Variants in RAB7A observed in about 807,000 individuals in gnomAD.
RAB7A encodes RAB7A, member RAS oncogene family, also known as ras-related protein Rab-7a.
A neutral mutation model predicts 24.5 loss-of-function variants in RAB7A; 2 were observed. The observed-to-expected ratio is 0.08, with a 90% CI of 0.03 to 0.26. RAB7A has a LOEUF of 0.26. RAB7A is among the 10% of genes least tolerant of loss of function. RAB7A has a pLI of 1.00. For missense variants in RAB7A, 118 were observed against 255.7 expected (o/e 0.46, Z 3.67); for synonymous variants, 100 against 95.9 (o/e 1.04, Z -0.25).
At chr3:128,739,570 A>G (rs1447592278) in intron 1 of RAB7A, among the ~76,000 whole-genome samples, 1 of 152,002 alleles carries the variant, frequency 6.6e-6, no homozygotes, top group Non-Finnish European at 1.5e-5. Context: ...GGATAATTTG[A>G]TGGCTATAAT....
At position 128,745,169 on chromosome 3, in the gene RAB7A, C is replaced by T. The variant is rs1334369902; in HGVS notation, c.-9+18810C>T. Among the ~76,000 whole-genome samples the T allele has an allele frequency of 1.1e-4, 16 of 151,972 alleles. 1 individual carries two copies. Among genetic ancestry groups the T allele is most frequent in the Admixed American group, 7.9e-4 (12 of 15,254 alleles). On this transcript the variant is annotated intron_variant, in intron 1 of 5. Coordinates refer to ENST00000265062, the MANE Select transcript of RAB7A (RefSeq NM_004637.6). ...GATTATAGGCGTGAGCTGCCGCGCC[C>T]GGCTGAAGTCACTTTTTCATTAAAT...
At chr3:128,803,468 G>T (rs1222312974) in intron 3 of RAB7A, among the ~76,000 whole-genome samples, 1 of 152,108 alleles carries the variant, frequency 6.6e-6, no homozygotes, top group Non-Finnish European at 1.5e-5. Context: ...GTGTAGTAAT[G>T]AGTACAACCT....
At chr3:128,728,319 T>C (rs1484771696) in intron 1 of RAB7A, among the ~76,000 whole-genome samples, 1 of 152,234 alleles carries the variant, frequency 6.6e-6, no homozygotes, top group East Asian at 1.9e-4. Flanking sequence ...TTTAAGGCTT[T>C]GTTAATTTTA....
At chr3:128,759,152 T>C (rs2070756549) in intron 1 of RAB7A, among the ~76,000 whole-genome samples, 1 of 152,240 alleles carries the variant, frequency 6.6e-6, no homozygotes, top group African/African-American at 2.4e-5. Flanking sequence ...GGTTTCATAG[T>C]TACATTGAGA....
chr3:128,732,289 T>C lies in RAB7A; in HGVS notation c.-9+5930T>C, dbSNP rs180858105. 7.6e-4 allele frequency among the ~76,000 whole-genome samples: 116 copies of C among 151,974 alleles called. 3 individuals are homozygous for C. The East Asian group carries it at 0.023, about 30-fold the overall frequency. ...CCTTGACCCTGTGATCCGCCCGCCTTGGCCTCCCAAGGTGCTGGGATTACA... is the reference window on the plus strand; with the variant it reads ...CCTTGACCCTGTGATCCGCCCGCCTCGGCCTCCCAAGGTGCTGGGATTACA... On this transcript the variant is annotated intron_variant, in intron 1 of 5. Coordinates refer to ENST00000265062, the MANE Select transcript of RAB7A (RefSeq NM_004637.6).
intron 1 of RAB7A, among the ~76,000 whole-genome samples, chr3:128,788,061 G>C (rs1294650184): frequency 6.6e-6 from 1 of 152,228 alleles, no homozygotes; most frequent in African/African-American, 2.4e-5. Context: ...TGAAGCTTGT[G>C]CTATCCCACC....
intron 1 of RAB7A, among the ~76,000 whole-genome samples, chr3:128,731,721 C>T (rs951539477): frequency 6.6e-5 from 10 of 152,102 alleles, no homozygotes; most frequent in Admixed American, 2.6e-4. Flanking sequence ...AAAAGTGTAT[C>T]TTTCGGCCGG....
Position 128,813,599 on chromosome 3 carries a change from ACACG to A in RAB7A, c.*181_*184del, listed in dbSNP as rs1451556971. 8.5e-6 allele frequency: 5 copies of A among 585,554 alleles called. No individual in the cohort carries two copies. Among genetic ancestry groups the A allele is most frequent in the Non-Finnish European group, 1.6e-5 (5 of 309,372 alleles). 36.3% of individuals were successfully genotyped at this position (585,554 alleles called of 1,614,324 possible). On this transcript the variant is annotated 3_prime_UTR_variant, in exon 6 of 6. Transcript: ENST00000265062. ...CCACATATCTCTCACACACACACACACACGCACACACACACACACAGATCTGACG... is the reference window on the plus strand; with the variant it reads ...CCACATATCTCTCACACACACACACACACACACACACACACAGATCTGACG...
chr3:128,735,043 T>C (rs954904787), intron 1 of RAB7A, among the ~76,000 whole-genome samples: 1 of 152,242 alleles, frequency 6.6e-6, no homozygotes, highest in African/African-American at 2.4e-5. Context: ...GTTTCCTGAA[T>C]GATGAACTAT....
intron 1 of RAB7A, among the ~76,000 whole-genome samples, chr3:128,778,862 A>G (rs748531095): frequency 4.6e-5 from 7 of 152,222 alleles, no homozygotes; most frequent in Non-Finnish European, 7.3e-5. Context: ...GGGTGTCTCA[A>G]ATAATAAGGG....
chr3:128,726,721 G>A (rs77097303), intron 1 of RAB7A, among the ~76,000 whole-genome samples: 1 of 152,202 alleles, frequency 6.6e-6, no homozygotes, highest in Non-Finnish European at 1.5e-5. Flanking sequence ...GCGAGCAGGA[G>A]GGTGTCAGAG....
intron 5 of RAB7A, 88 bp from the exon 6 acceptor site, chr3:128,813,239 A>G: frequency 8.1e-7 from 1 of 1,230,712 alleles, no homozygotes; most frequent in African/African-American, 1.5e-5. Flanking sequence ...AGCAGAAGTG[A>G]GCCCCTCCTG....
intron 1 of RAB7A, among the ~76,000 whole-genome samples, chr3:128,785,759 A>C (rs1933324436): frequency 6.6e-6 from 1 of 152,032 alleles, no homozygotes; most frequent in African/African-American, 2.4e-5. Flanking sequence ...AAAAAAAAAA[A>C]AAAAAAATTC....
At chr3:128,760,740 C>T (rs2070770365) in intron 1 of RAB7A, among the ~76,000 whole-genome samples, 1 of 152,204 alleles carries the variant, frequency 6.6e-6, no homozygotes, top group South Asian at 2.1e-4. Flanking sequence ...CAGCCTCTAG[C>T]TTAAACTGAG....
intron 5 of RAB7A, among the ~76,000 whole-genome samples, chr3:128,811,119 AGATT>A (rs2107617565): frequency 6.6e-6 from 1 of 151,852 alleles, no homozygotes; most frequent in Non-Finnish European, 1.5e-5. Context: ...TCCTTCAGTA[AGATT>A]GATTGATTCT....
intron 1 of RAB7A, among the ~76,000 whole-genome samples, chr3:128,754,528 A>G (rs1321103255): frequency 1.3e-5 from 2 of 152,376 alleles, no homozygotes; most frequent in East Asian, 3.9e-4. Flanking sequence ...TGTGAGGCAT[A>G]TATACAAAAC....
At chr3:128,782,173 CTG>C (rs1212856672) in intron 1 of RAB7A, among the ~76,000 whole-genome samples, 1 of 152,188 alleles carries the variant, frequency 6.6e-6, no homozygotes, top group Non-Finnish European at 1.5e-5. Context: ...ACAATAGGGA[CTG>C]TGATCTCAAG....
At position 128,807,507 on chromosome 3, in the gene RAB7A, G is replaced by A. The variant is rs536354551; in HGVS notation, c.400-36G>A. 7.6e-5 allele frequency: 123 copies of A among 1,613,180 alleles called. 1 individual carries two copies. In the South Asian group the frequency reaches 1.3e-3, roughly 17 times the overall value. On this transcript the variant is annotated intron_variant, in intron 4 of 5. Coordinates refer to ENST00000265062, the MANE Select transcript of RAB7A (RefSeq NM_004637.6). ...GATGGAGTCAGTGCTGGCTGCTTCT[G>A]TCATGAGCCTATGTGCACCCTGCTT...
At chr3:128,809,936 C>CTTTGTTTTTTTTTTTTTTTTTTT (rs1933887164) in intron 5 of RAB7A, among the ~76,000 whole-genome samples, 1 of 52,216 alleles carries the variant, frequency 1.9e-5, no homozygotes, top group African/African-American at 8.5e-5. Context: ...TTGCCACAGT[C>CTTTGTTTTTTTTTTTTTTTTTTT]TTTTTTTTTT....
Sources: gnomAD v4.1 joint callset for allele counts (sites outside exome capture counted in the v4.1 genomes callset) on GRCh38, gnomAD v4.1.1 for gene constraint, MANE v1.5 for transcripts, NCBI Gene and HGNC (gene_info 2026-07-23, HGNC 2026-07-21) for gene names.